IQCM: variants seen among roughly 807,000 people sequenced by gnomAD.
The protein encoded by IQCM is IQ motif containing M, also known as IQ domain-containing protein M.
IQCM carries 45 observed loss-of-function variants against 57.6 expected under a neutral mutation model. That is an observed-to-expected ratio of 0.78 (90% CI 0.62 to 1.00). The LOEUF (loss-of-function observed/expected upper bound fraction) is 1.00, where lower values mean the gene tolerates loss of function less well. Among genes scored for constraint, IQCM ranks in the 50% least tolerant of loss-of-function variants. IQCM has a pLI of 0.00. For synonymous variants in IQCM, 148 were observed against 158.9 expected, an observed-to-expected ratio of 0.93 and a Z score of 0.51; for missense variants, 468 against 511.6, an observed-to-expected ratio of 0.91 and a Z score of 0.82.
intron 8 of IQCM, among the ~76,000 whole-genome samples, chr4:149,611,459 A>G (rs1396216375): frequency 1.3e-5 from 2 of 152,146 alleles, no homozygotes; most frequent in Non-Finnish European, 2.9e-5. Context: ...ATGAATGAAT[A>G]AAGAAAGTAT....
chr4:149,665,783 G>A (rs1006072920), intron 7 of IQCM, among the ~76,000 whole-genome samples: 14 of 152,108 alleles, frequency 9.2e-5, no homozygotes, highest in African/African-American at 2.4e-4. Context: ...CCTCAATCTG[G>A]GTAGGCACCG....
In IQCM at chr4:149,497,250, G is replaced by T. The variant is rs140349058; in HGVS notation, c.1228+51205C>A. Among the ~76,000 whole-genome samples, 219 of 152,136 alleles carry T rather than the reference G, an allele frequency of 1.4e-3. 1 individual carries two copies. The highest frequency in any genetic ancestry group is 4.9e-3 in the African/African-American group (203 of 41,496). On this transcript the variant is annotated intron_variant, in intron 12 of 13. Coordinates refer to ENST00000636793, the MANE Select transcript of IQCM (RefSeq NM_001363507.2). ...TCAGGGAAGGACTGGGCCTAAGAAG[G>T]TCTCTCAGGACAAATAATAGAAAAG...
chr4:149,430,101 T>C, intron 13 of IQCM: 1 of 894,132 alleles, frequency 1.1e-6, no homozygotes, highest in East Asian at 3.3e-5. Flanking sequence ...ACTTAAGTTA[T>C]TCTTTCTCAT....
chr4:149,468,919 G>C (rs1386744424), intron 12 of IQCM, among the ~76,000 whole-genome samples: 1 of 152,180 alleles, frequency 6.6e-6, no homozygotes, highest in East Asian at 1.9e-4. Flanking sequence ...GGTCCTGACT[G>C]TTAGAAGGAA....
At chr4:149,442,831 G>C (rs1736082663) in intron 12 of IQCM, among the ~76,000 whole-genome samples, 1 of 151,672 alleles carries the variant, frequency 6.6e-6, no homozygotes, top group Admixed American at 6.6e-5. Context: ...CAATATCGTA[G>C]CCTCCACACA....
chr4:149,733,189 A>G, intron 5 of IQCM, 55 bp downstream of exon 5: 1 of 1,216,790 alleles, frequency 8.2e-7, no homozygotes, highest in Non-Finnish European at 1.0e-6. Flanking sequence ...CACATAAGAA[A>G]CAAATAGTTT....
At chr4:149,811,137 G>T (rs1774528505) in intron 2 of IQCM, among the ~76,000 whole-genome samples, 1 of 152,090 alleles carries the variant, frequency 6.6e-6, no homozygotes, top group South Asian at 2.1e-4. Flanking sequence ...TTTAAAAAGA[G>T]GCACCTGCTT....
chr4:149,566,759 C>A (rs1750672335), intron 9 of IQCM, among the ~76,000 whole-genome samples: 1 of 151,994 alleles, frequency 6.6e-6, no homozygotes, highest in Non-Finnish European at 1.5e-5. Context: ...GTACTTTGAT[C>A]AATACTATAT....
chr4:149,483,090 A>T (rs999217937), intron 12 of IQCM, among the ~76,000 whole-genome samples: 18 of 151,808 alleles, frequency 1.2e-4, no homozygotes, highest in African/African-American at 4.1e-4. Context: ...AATCCTTTGA[A>T]TTTCTGTGGT....
chr4:149,764,076 G>A (rs75846178), intron 2 of IQCM, among the ~76,000 whole-genome samples: 6,571 of 152,132 alleles, frequency 0.043, 509 homozygotes, highest in East Asian at 0.22. Context: ...ATTTCAGTGA[G>A]GATGCTCTTA....
Position 149,427,969 on chromosome 4 carries a change from G to A in IQCM, c.1390+5427C>T, listed in dbSNP as rs536554240. Among the ~76,000 whole-genome samples the A allele has an allele frequency of 1.8e-4, 27 of 151,888 alleles. No individual in the cohort carries two copies. The South Asian group carries it at 5.6e-3, about 32-fold the overall frequency. Reference sequence around the variant, plus strand: ...ATCTCGAGCAAGCAGATACTCTATAGGCAAAGCATGACATTGACCTAAACA... The same window carrying A: ...ATCTCGAGCAAGCAGATACTCTATAAGCAAAGCATGACATTGACCTAAACA... On this transcript the variant is annotated intron_variant, in intron 13 of 13. Transcript: ENST00000636793.
At chr4:149,601,639 A>G (rs1255248395) in intron 8 of IQCM, among the ~76,000 whole-genome samples, 1 of 152,194 alleles carries the variant, frequency 6.6e-6, no homozygotes, top group Non-Finnish European at 1.5e-5. Context: ...CTTCAGGCTT[A>G]TAAATAAAAT....
chr4:149,694,616 T>C (rs1023575372), intron 5 of IQCM, among the ~76,000 whole-genome samples: 21 of 152,118 alleles, frequency 1.4e-4, no homozygotes, highest in African/African-American at 5.1e-4. Context: ...ATAGTTAAAC[T>C]GAACCAATGT....
intron 12 of IQCM, among the ~76,000 whole-genome samples, chr4:149,544,466 A>G (rs1387931150): frequency 6.6e-6 from 1 of 152,178 alleles, no homozygotes; most frequent in Non-Finnish European, 1.5e-5. Flanking sequence ...TTATATTGTT[A>G]ATATGCCTAT....
At chr4:149,676,770 T>C (rs1423820832) in intron 7 of IQCM, among the ~76,000 whole-genome samples, 4 of 152,016 alleles carry the variant, frequency 2.6e-5, no homozygotes, top group African/African-American at 7.2e-5. Flanking sequence ...ATATCTTATG[T>C]TCTAATATCC....
At chr4:149,634,154 T>C (rs1487734048) in intron 7 of IQCM, among the ~76,000 whole-genome samples, 1 of 152,022 alleles carries the variant, frequency 6.6e-6, no homozygotes, top group Non-Finnish European at 1.5e-5. Context: ...GAATTATAGG[T>C]ACACGCCACC....
intron 12 of IQCM, among the ~76,000 whole-genome samples, chr4:149,459,430 T>C (rs1468308866): frequency 6.6e-6 from 1 of 152,228 alleles, no homozygotes; most frequent in Non-Finnish European, 1.5e-5. Flanking sequence ...TTCCCAATGT[T>C]TTTATTGTAG....
chr4:149,768,955 T>G (rs1437675682), intron 2 of IQCM, among the ~76,000 whole-genome samples: 3 of 152,100 alleles, frequency 2.0e-5, no homozygotes, highest in African/African-American at 7.2e-5. Flanking sequence ...ATTTAAGCTA[T>G]CTGAGGTAAT....
intron 13 of IQCM, among the ~76,000 whole-genome samples, chr4:149,408,942 A>G (rs1733176511): frequency 6.6e-6 from 1 of 152,168 alleles, no homozygotes; most frequent in African/African-American, 2.4e-5. Flanking sequence ...TAGCTGTTCA[A>G]CATTTTGTGT....
Sources: gnomAD v4.1 joint callset for allele counts (sites outside exome capture counted in the v4.1 genomes callset) on GRCh38, gnomAD v4.1.1 for gene constraint, MANE v1.5 for transcripts, NCBI Gene and HGNC (gene_info 2026-07-23, HGNC 2026-07-21) for gene names.